Variants in UNC5C observed in about 807,000 individuals in gnomAD.
UNC5C encodes unc-5 netrin receptor C.
A neutral mutation model predicts 99.8 loss-of-function variants in UNC5C; 47 were observed. The ratio of observed to expected loss-of-function variants is 0.47; its 90% CI spans 0.37 to 0.60. The LOEUF (loss-of-function observed/expected upper bound fraction) is 0.60, where lower values mean the gene tolerates loss of function less well. Ranked by LOEUF, UNC5C falls within the 20% of genes least tolerant of loss-of-function variation. The probability of loss-of-function intolerance (pLI) is 0.00; values close to 1 mark genes in which losing one functional copy is unlikely to be tolerated. For synonymous variants in UNC5C, 487 were observed against 452.2 expected (o/e 1.08, Z -0.98); for missense variants, 1,062 against 1,165.9 (o/e 0.91, Z 1.30).
intron 1 of UNC5C, among the ~76,000 whole-genome samples, chr4:95,432,577 C>T (rs751637415): frequency 7.2e-5 from 11 of 151,996 alleles, no homozygotes; most frequent in Non-Finnish European, 1.5e-4. Context: ...TCACCCCCTA[C>T]CTTCCTGGAA....
chr4:95,531,983 A>G (rs867594549), intron 1 of UNC5C, among the ~76,000 whole-genome samples: 7 of 152,354 alleles, frequency 4.6e-5, no homozygotes, highest in Admixed American at 2.6e-4. Flanking sequence ...ATTCTCTGGC[A>G]GTACTGCAGT....
chr4:95,211,368 G>A (rs1261018013), intron 10 of UNC5C, among the ~76,000 whole-genome samples: 1 of 152,194 alleles, frequency 6.6e-6, no homozygotes, highest in African/African-American at 2.4e-5. Flanking sequence ...CGAAGGGCGT[G>A]CCACCATTTC....
intron 8 of UNC5C, 73 bp downstream of exon 8, chr4:95,219,912 G>A (rs1048457228): frequency 6.8e-7 from 1 of 1,470,058 alleles, no homozygotes; most frequent in Non-Finnish European, 9.2e-7. Flanking sequence ...TGAATGAGAT[G>A]ACTCTAAAGT....
At chr4:95,509,943 A>G (rs1722026277) in intron 1 of UNC5C, among the ~76,000 whole-genome samples, 2 of 151,940 alleles carry the variant, frequency 1.3e-5, no homozygotes, top group Non-Finnish European at 2.9e-5. Context: ...CAATATTGTT[A>G]GATAGATTCT....
chr4:95,201,670 T>C (rs989678085), intron 12 of UNC5C, among the ~76,000 whole-genome samples: 12 of 151,952 alleles, frequency 7.9e-5, no homozygotes, highest in East Asian at 3.9e-4. Context: ...GTGAGGCGAT[T>C]TCGGCTCACT....
intron 1 of UNC5C, among the ~76,000 whole-genome samples, chr4:95,491,266 T>C (rs1243592212): frequency 6.6e-6 from 1 of 151,556 alleles, no homozygotes. Context: ...CGCCTCAATA[T>C]AGTGCTGTAT....
At chr4:95,537,399 A>G (rs1031336125) in intron 1 of UNC5C, among the ~76,000 whole-genome samples, 10 of 152,108 alleles carry the variant, frequency 6.6e-5, no homozygotes, top group African/African-American at 2.4e-4. Flanking sequence ...TTCTCGTAAT[A>G]CTTTATAGTG....
chr4:95,391,103 T>C (rs1745347247), intron 1 of UNC5C, among the ~76,000 whole-genome samples: 1 of 152,214 alleles, frequency 6.6e-6, no homozygotes, highest in South Asian at 2.1e-4. Flanking sequence ...CCTGTTGCCA[T>C]GCAAGATGTG....
At chr4:95,390,699 CT>C (rs1745332371) in intron 1 of UNC5C, among the ~76,000 whole-genome samples, 1 of 152,214 alleles carries the variant, frequency 6.6e-6, no homozygotes, top group Non-Finnish European at 1.5e-5. Context: ...CATAGCACCA[CT>C]TCCACTTATT....
chr4:95,468,375 T>A (rs1197438326), intron 1 of UNC5C, among the ~76,000 whole-genome samples: 2 of 152,176 alleles, frequency 1.3e-5, no homozygotes. Flanking sequence ...CATCAAGTCC[T>A]CTTCTGTTAG....
At chr4:95,395,511 G>GT (rs1305939561) in intron 1 of UNC5C, among the ~76,000 whole-genome samples, 1 of 152,154 alleles carries the variant, frequency 6.6e-6, no homozygotes, top group Non-Finnish European at 1.5e-5. Flanking sequence ...GACACTAAGG[G>GT]TATAGCTGCC....
intron 1 of UNC5C, among the ~76,000 whole-genome samples, chr4:95,516,632 T>C (rs1369850850): frequency 6.6e-6 from 1 of 151,832 alleles, no homozygotes; most frequent in Non-Finnish European, 1.5e-5. Flanking sequence ...GTGGAGGGAG[T>C]AATGGATTTG....
At chr4:95,463,905 T>A (rs1747689803) in intron 1 of UNC5C, among the ~76,000 whole-genome samples, 1 of 152,208 alleles carries the variant, frequency 6.6e-6, no homozygotes, top group African/African-American at 2.4e-5. Context: ...TTAGTATTTT[T>A]AAACTCTCCA....
chr4:95,225,021 G>T (rs548277158), intron 7 of UNC5C, among the ~76,000 whole-genome samples: 12 of 152,222 alleles, frequency 7.9e-5, no homozygotes, highest in African/African-American at 2.4e-4. Flanking sequence ...GAAAGGAAAG[G>T]GAGGAGGTGG....
chr4:95,510,614 A>C (rs1722044962), intron 1 of UNC5C, among the ~76,000 whole-genome samples: 1 of 152,034 alleles, frequency 6.6e-6, no homozygotes, highest in African/African-American at 2.4e-5. Context: ...AGTCCTTCAG[A>C]ATTTATTATC....
intron 1 of UNC5C, among the ~76,000 whole-genome samples, chr4:95,484,191 A>G (rs1055184226): frequency 4.6e-5 from 7 of 151,848 alleles, no homozygotes; most frequent in Admixed American, 3.3e-4. Flanking sequence ...GGGTGGGTGT[A>G]TATTTGACTT....
At chr4:95,471,320 A>G (rs892745310) in intron 1 of UNC5C, among the ~76,000 whole-genome samples, 3 of 152,156 alleles carry the variant, frequency 2.0e-5, no homozygotes, top group African/African-American at 7.2e-5. Context: ...TAAGTGTACC[A>G]ACATGTAATT....
intron 1 of UNC5C, among the ~76,000 whole-genome samples, chr4:95,541,099 G>A (rs1034264519): frequency 6.6e-6 from 1 of 152,082 alleles, no homozygotes; most frequent in Non-Finnish European, 1.5e-5. Context: ...GTCCCAAATT[G>A]CTCCTTTTAC....
At chr4:95,205,015 C>T (rs552742501) in intron 11 of UNC5C, among the ~76,000 whole-genome samples, 34 of 152,204 alleles carry the variant, frequency 2.2e-4, no homozygotes, top group Non-Finnish European at 4.1e-4. Flanking sequence ...CAAAGGACAC[C>T]TGGAAAGCAG....
Sources: gnomAD v4.1 joint callset for allele counts (sites outside exome capture counted in the v4.1 genomes callset) on GRCh38, gnomAD v4.1.1 for gene constraint, MANE v1.5 for transcripts, NCBI Gene and HGNC (gene_info 2026-07-23, HGNC 2026-07-21) for gene names.